The following CCDC149 variants were observed in gnomAD, a reference collection of about 807,000 sequenced individuals.
CCDC149 encodes coiled-coil domain-containing protein 149.
CCDC149 carries 45 observed loss-of-function variants against 59.9 expected under a neutral mutation model. The ratio of observed to expected loss-of-function variants is 0.75; its 90% CI spans 0.59 to 0.96. The LOEUF (loss-of-function observed/expected upper bound fraction) is 0.96, where lower values mean the gene tolerates loss of function less well. CCDC149 is among the 40% of genes least tolerant of loss of function. CCDC149 has a pLI of 0.00. For synonymous variants in CCDC149, 245 were observed against 260.6 expected (o/e 0.94, Z 0.58); for missense variants, 584 against 664.7 (o/e 0.88, Z 1.33).
At chr4:24,874,244 G>GTTTTTTTTTTTTTTGTT (rs1719242804) in intron 2 of CCDC149, among the ~76,000 whole-genome samples, 31 of 87,484 alleles carry the variant, frequency 3.5e-4, no homozygotes, top group African/African-American at 1.6e-3. Context: ...TATTAGATTT[G>GTTTTTTTTTTTTTTGTT]TTTTTTTTTT....
At chr4:24,950,386 G>A (rs1723249707) in intron 1 of CCDC149, among the ~76,000 whole-genome samples, 1 of 152,232 alleles carries the variant, frequency 6.6e-6, no homozygotes, top group African/African-American at 2.4e-5. Flanking sequence ...TTAGCACAGT[G>A]CCTGACACAG....
At chr4:24,812,757 A>G (rs181170509) in intron 12 of CCDC149, among the ~76,000 whole-genome samples, 2 of 152,356 alleles carry the variant, frequency 1.3e-5, no homozygotes. Flanking sequence ...AGACGAAAGA[A>G]GAGCAAAGGA....
chr4:24,905,518 C>T (rs1473337540), intron 1 of CCDC149, among the ~76,000 whole-genome samples: 3 of 151,698 alleles, frequency 2.0e-5, no homozygotes, highest in Non-Finnish European at 2.9e-5. Context: ...CCACTACAAC[C>T]TCCACCTACT....
At chr4:24,839,077 A>AAGAGAG (rs1716759771) in intron 4 of CCDC149, among the ~76,000 whole-genome samples, 2 of 128,960 alleles carry the variant, frequency 1.6e-5, no homozygotes, top group Non-Finnish European at 3.5e-5. Flanking sequence ...GAGAGAGAGA[A>AAGAGAG]AGAGAGAGAG....
Position 24,819,888 on chromosome 4 carries a change from G to A in CCDC149, c.1163C>T (p.Pro388Leu). ...CTTGGGATCTGCTTTGTTCTCAGTG[G>A]GCTGCTCGACAAACTTCAGCAGTGG... Residue 388 changes from proline (P) to leucine (L), a missense_variant, in exon 12 of 13, where the codon CCC becomes CTC. By Grantham distance (98) the Pro-to-Leu change is moderately conservative. Transcript: ENST00000635206. The A allele has an allele frequency of 6.4e-7, 1 of 1,551,662 alleles. No homozygotes were observed.
chr4:24,881,929 G>A (rs1225293708), intron 1 of CCDC149, among the ~76,000 whole-genome samples: 2 of 152,170 alleles, frequency 1.3e-5, no homozygotes, highest in Non-Finnish European at 2.9e-5. Flanking sequence ...TTGGAACCCA[G>A]CTCATTACAG....
chr4:24,913,832 A>G (rs1382578310), upstream of CCDC149, among the ~76,000 whole-genome samples: 4 of 152,220 alleles, frequency 2.6e-5, no homozygotes, highest in Non-Finnish European at 2.9e-5. Context: ...TTAAGCTGAG[A>G]CTTCTCCTAA....
At chr4:24,856,883 T>C (rs800473) in intron 3 of CCDC149, among the ~76,000 whole-genome samples, 119,802 of 152,162 alleles carry the variant, frequency 0.79, 47,181 homozygotes, top group East Asian at 0.91. Flanking sequence ...GGCCAGGCCA[T>C]TGGGCAGCAG....
At chr4:24,872,880 T>C (rs1469663291) in intron 3 of CCDC149, among the ~76,000 whole-genome samples, 1 of 148,736 alleles carries the variant, frequency 6.7e-6, no homozygotes, top group Non-Finnish European at 1.5e-5. Context: ...AAGTGGTATG[T>C]GTCCATTGAA....
At chr4:24,804,654 A>G (rs1714065715), downstream of CCDC149, among the ~76,000 whole-genome samples, 1 of 152,334 alleles carries the variant, frequency 6.6e-6, no homozygotes, top group South Asian at 2.1e-4. Flanking sequence ...GTGAGTAAGC[A>G]GCTGGTCTTT....
At chr4:24,870,499 C>A (rs1718974299) in intron 3 of CCDC149, among the ~76,000 whole-genome samples, 1 of 152,192 alleles carries the variant, frequency 6.6e-6, no homozygotes, top group African/African-American at 2.4e-5. Flanking sequence ...GCTGCAGAGC[C>A]CAAGCTTCCA....
At chr4:24,900,478 G>A (rs1204946109) in intron 1 of CCDC149, among the ~76,000 whole-genome samples, 2 of 152,154 alleles carry the variant, frequency 1.3e-5, no homozygotes, top group African/African-American at 4.8e-5. Flanking sequence ...CCAGAACCAG[G>A]TTGGTTCTGT....
chr4:24,870,074 T>C (rs986990024), intron 3 of CCDC149, among the ~76,000 whole-genome samples: 3 of 152,250 alleles, frequency 2.0e-5, no homozygotes, highest in African/African-American at 7.2e-5. Context: ...AGGAAGCTGA[T>C]GTGCTTAAGT....
chr4:24,961,030 C>A (rs1354761355), intron 1 of CCDC149, among the ~76,000 whole-genome samples: 1 of 152,108 alleles, frequency 6.6e-6, no homozygotes, highest in African/African-American at 2.4e-5. Flanking sequence ...AGTTGGTCAC[C>A]CAACATAGAT....
At chr4:24,825,277 A>T (rs1715655979) in intron 9 of CCDC149, among the ~76,000 whole-genome samples, 1 of 152,220 alleles carries the variant, frequency 6.6e-6, no homozygotes, top group Admixed American at 6.5e-5. Flanking sequence ...GGTGCAGTGG[A>T]AGGCTTTAAT....
chr4:24,904,983 C>T (rs146646579), intron 1 of CCDC149, among the ~76,000 whole-genome samples: 3 of 152,264 alleles, frequency 2.0e-5, no homozygotes, highest in Non-Finnish European at 4.4e-5. Context: ...CTCACTGCAA[C>T]CTCCGCCTCC....
intron 12 of CCDC149, among the ~76,000 whole-genome samples, chr4:24,813,490 A>ATATATCTATATCTATATATATATC (rs1491293785): frequency 1.6e-3 from 3 of 1,934 alleles, no homozygotes; most frequent in African/African-American, 1.7e-3. Context: ...AGCTTGGGGA[A>ATATATCTATATCTATATATATATC]TATATATATA....
At chr4:24,943,645 G>T (rs1723015378) in intron 1 of CCDC149, among the ~76,000 whole-genome samples, 1 of 152,056 alleles carries the variant, frequency 6.6e-6, no homozygotes, top group Non-Finnish European at 1.5e-5. Flanking sequence ...CAGAATGGGA[G>T]AAAATTTTTG....
In CCDC149 at chr4:24,819,956, C is replaced by T; in HGVS notation, c.1095G>A (p.Leu365=). Residue 365 remains leucine (L), a synonymous_variant, in exon 12 of 13, where the codon CTG becomes CTA. Transcript: ENST00000635206. ...CACTAGGAAGAGTGGGGTCGCTGAA[C>T]AGTATGGTGTCCTTGCCCCCTGTTG... is the stretch of plus-strand genomic sequence containing the variant. The T allele has an allele frequency of 6.4e-7, 1 of 1,551,312 alleles. No individual in the cohort carries two copies. Among genetic ancestry groups the T allele is most frequent in the Non-Finnish European group, 8.7e-7 (1 of 1,146,814 alleles).
Sources: gnomAD v4.1 joint callset for allele counts (sites outside exome capture counted in the v4.1 genomes callset) on GRCh38, gnomAD v4.1.1 for gene constraint, MANE v1.5 for transcripts, NCBI Gene and HGNC (gene_info 2026-07-23, HGNC 2026-07-21) for gene names.